The following TRIO variants were observed in gnomAD, a reference collection of about 807,000 sequenced individuals.
The protein encoded by TRIO is triple functional domain protein.
Under a neutral mutation model 351.9 loss-of-function variants are expected in TRIO, and 58 were observed. The observed-to-expected ratio is 0.16, with a 90% CI of 0.13 to 0.21. The LOEUF (loss-of-function observed/expected upper bound fraction) is 0.21. TRIO is among the 10% of genes least tolerant of loss of function. The pLI is 1.00. For synonymous variants in TRIO, 1,758 were observed against 1,595.7 expected (o/e 1.10, Z -2.42); for missense variants, 3,201 against 4,027.8 (o/e 0.79, Z 5.56).
chr5:14,335,453 G>A (rs766928019), intron 10 of TRIO, among the ~76,000 whole-genome samples: 6 of 152,084 alleles, frequency 3.9e-5, no homozygotes, highest in Admixed American at 1.3e-4. Flanking sequence ...ATCCCCCAGC[G>A]TCTCCCGGGG....
chr5:14,313,466 T>C (rs759519646), intron 8 of TRIO, among the ~76,000 whole-genome samples: 6 of 152,224 alleles, frequency 3.9e-5, no homozygotes, highest in Non-Finnish European at 7.3e-5. Flanking sequence ...AGAAGAATAT[T>C]AATGGTGTCA....
At chr5:14,254,691 G>A (rs960053940) in intron 1 of TRIO, among the ~76,000 whole-genome samples, 1 of 152,186 alleles carries the variant, frequency 6.6e-6, no homozygotes, top group African/African-American at 2.4e-5. Flanking sequence ...GCATAAGTGG[G>A]TTATTGTATA....
chr5:14,227,213 G>A (rs896693573), intron 1 of TRIO, among the ~76,000 whole-genome samples: 2 of 152,196 alleles, frequency 1.3e-5, no homozygotes, highest in African/African-American at 4.8e-5. Flanking sequence ...CCTTCAGGAA[G>A]TGCACAGATG....
intron 1 of TRIO, among the ~76,000 whole-genome samples, chr5:14,253,731 C>G (rs1794874660): frequency 6.6e-6 from 1 of 152,180 alleles, no homozygotes; most frequent in African/African-American, 2.4e-5. Context: ...CCCTTGGGTT[C>G]CCTAAGACCT....
At chr5:14,297,306 T>C in intron 7 of TRIO, 43 bp downstream of exon 7, 1 of 1,578,144 alleles carries the variant, frequency 6.3e-7, no homozygotes, top group Admixed American at 1.8e-5. Flanking sequence ...GTAACCAGAA[T>C]AGTTCTTCCT....
Position 14,406,690 on chromosome 5 carries a change from C to T in TRIO, c.4959+18C>T, listed in dbSNP as rs755018578. 2 of 1,612,278 alleles carry T rather than the reference C, an allele frequency of 1.2e-6. No homozygotes were observed. Among genetic ancestry groups the T allele is most frequent in the Non-Finnish European group, 1.7e-6 (2 of 1,178,696 alleles). ...GCGATAAGGTGAGTCACTGCCGGCACTTTGTGTGCGGAGGGGAATGTGGCC... is the reference window on the plus strand; with the variant it reads ...GCGATAAGGTGAGTCACTGCCGGCATTTTGTGTGCGGAGGGGAATGTGGCC... On this transcript the variant is annotated intron_variant, in intron 33 of 56. Coordinates refer to ENST00000344204, the MANE Select transcript of TRIO (RefSeq NM_007118.4).
intron 36 of TRIO, among the ~76,000 whole-genome samples, chr5:14,463,619 A>G (rs909066103): frequency 3.3e-5 from 5 of 151,688 alleles, no homozygotes; most frequent in African/African-American, 1.2e-4. Flanking sequence ...ATCCTCTAGC[A>G]TTCTGGCCCT....
chr5:14,295,115 A>C (rs1737236166), intron 6 of TRIO, among the ~76,000 whole-genome samples: 1 of 152,138 alleles, frequency 6.6e-6, no homozygotes, highest in Admixed American at 6.5e-5. Context: ...TGTGGCATTT[A>C]ATAATGCAGG....
intron 5 of TRIO, among the ~76,000 whole-genome samples, chr5:14,291,650 G>A (rs1736914531): frequency 6.6e-6 from 1 of 151,698 alleles, no homozygotes; most frequent in Admixed American, 6.6e-5. Flanking sequence ...TTAGCCGGGT[G>A]TGGTGGCACG....
At chr5:14,441,754 T>A (rs1032082554) in intron 34 of TRIO, among the ~76,000 whole-genome samples, 5 of 152,238 alleles carry the variant, frequency 3.3e-5, no homozygotes, top group Admixed American at 6.5e-5. Context: ...TTGGAGGTTT[T>A]CAGACTAGAG....
intron 1 of TRIO, among the ~76,000 whole-genome samples, chr5:14,262,878 CTCT>C (rs1408531122): frequency 6.6e-6 from 1 of 152,062 alleles, no homozygotes; most frequent in Non-Finnish European, 1.5e-5. Context: ...ATGTGGGTGC[CTCT>C]TCTTCATGGC....
chr5:14,391,081 C>A, intron 27 of TRIO, 91 bp downstream of exon 27: 1 of 928,856 alleles, frequency 1.1e-6, no homozygotes, highest in Non-Finnish European at 1.6e-6. Context: ...ATTGATAGTA[C>A]AATGTTTTCA....
At position 14,366,862 on chromosome 5, in the gene TRIO, G is replaced by T; in HGVS notation, c.2757G>T (p.Val919=). The change falls in exon 16 of 57, where the codon GTG becomes GTT. Residue 919 remains valine, a splice_region_variant and synonymous_variant. Transcript: ENST00000344204. The part of the protein sequence containing the change: ...LRHLQAEVKQ[V]LGWIRNGESM... The stretch of plus-strand genomic sequence containing the variant: ...AGTTATCCTGTGTAATGTTTCAGGT[G>T]CTGGGTTGGATCCGCAACGGAGAGT... 4 of 1,614,190 alleles carry T rather than the reference G, an allele frequency of 2.5e-6. No individual in the cohort carries two copies. Among genetic ancestry groups the T allele is most frequent in the Non-Finnish European group, 3.4e-6 (4 of 1,180,036 alleles).
At chr5:14,242,819 A>G (rs1794207173) in intron 1 of TRIO, among the ~76,000 whole-genome samples, 1 of 152,084 alleles carries the variant, frequency 6.6e-6, no homozygotes. Context: ...CTATTATTTG[A>G]TTGCTCCAAG....
intron 40 of TRIO, among the ~76,000 whole-genome samples, chr5:14,476,043 G>T (rs1259628015): frequency 1.3e-5 from 2 of 152,200 alleles, no homozygotes; most frequent in African/African-American, 4.8e-5. Context: ...TAATCTTAAA[G>T]GGAGCTGATG....
In TRIO at chr5:14,358,161, CCT is replaced by C. The variant is rs1561386598; in HGVS notation, c.2047-13_2047-12del. 2 of 1,607,566 alleles carry C rather than the reference CCT, an allele frequency of 1.2e-6. No individual in the cohort carries two copies. The highest frequency in any genetic ancestry group is 2.2e-5 in the South Asian group (2 of 90,700). Reference sequence around the variant, plus strand: ...CAGCCAGGCCGGCCGGCCTCACCCCCCTCTCCCCTTCCCCAGCTGTGGACGTG... The same window carrying C: ...CAGCCAGGCCGGCCGGCCTCACCCCCCTCCCCTTCCCCAGCTGTGGACGTG... On this transcript the variant is annotated splice_polypyrimidine_tract_variant and intron_variant, in intron 11 of 56. Transcript: ENST00000344204.
chr5:14,443,066 C>G (rs1398824092), intron 34 of TRIO, among the ~76,000 whole-genome samples: 1 of 152,134 alleles, frequency 6.6e-6, no homozygotes, highest in South Asian at 2.1e-4. Context: ...GAATTCTTCT[C>G]AAGGGACATT....
intron 13 of TRIO, among the ~76,000 whole-genome samples, chr5:14,361,275 G>A (rs190051418): frequency 2.6e-5 from 4 of 152,064 alleles, no homozygotes; most frequent in East Asian, 1.9e-4. Flanking sequence ...AAGTACTTCC[G>A]CTTTCATTGA....
At chr5:14,493,910 C>T (rs1223618442) in intron 49 of TRIO, among the ~76,000 whole-genome samples, 1 of 152,210 alleles carries the variant, frequency 6.6e-6, no homozygotes, top group Non-Finnish European at 1.5e-5. Context: ...TCAAACCAGC[C>T]ACAACCTTGC....
Sources: gnomAD v4.1 joint callset for allele counts (sites outside exome capture counted in the v4.1 genomes callset) on GRCh38, gnomAD v4.1.1 for gene constraint, MANE v1.5 for transcripts, NCBI Gene and HGNC (gene_info 2026-07-23, HGNC 2026-07-21) for gene names.